RAB22A: variants seen among roughly 807,000 people sequenced by gnomAD.
RAB22A encodes RAB22A, member RAS oncogene family, also known as ras-related protein Rab-22A.
In RAB22A, 13 loss-of-function variants were observed where a neutral mutation model predicts 30.2. The ratio of observed to expected loss-of-function variants is 0.43; its 90% CI spans 0.28 to 0.68. The LOEUF (loss-of-function observed/expected upper bound fraction) is 0.68. Ranked by LOEUF, RAB22A falls within the 30% of genes least tolerant of loss-of-function variation. The pLI, the probability that RAB22A is intolerant of heterozygous loss-of-function variation, is 0.18. For missense variants in RAB22A, 177 were observed against 246.8 expected (o/e 0.72, Z 1.89); for synonymous variants, 89 against 87.2 (o/e 1.02, Z -0.11).
intron 2 of RAB22A, among the ~76,000 whole-genome samples, chr20:58,330,467 T>C (rs1166204297): frequency 6.6e-6 from 1 of 152,126 alleles, no homozygotes; most frequent in African/African-American, 2.4e-5. Flanking sequence ...CTCTTGACCT[T>C]GGGTCACATT....
At chr20:58,340,238 A>G (rs1429473875) in intron 2 of RAB22A, among the ~76,000 whole-genome samples, 1 of 152,154 alleles carries the variant, frequency 6.6e-6, no homozygotes, top group Non-Finnish European at 1.5e-5. Context: ...TTTGAGTGAG[A>G]GAGGGACACA....
chr20:58,311,201 C>A, intron 2 of RAB22A, 79 bp downstream of exon 2: 1 of 1,301,738 alleles, frequency 7.7e-7, no homozygotes. Context: ...CAGGTGTAGG[C>A]CCTGCGCTTT....
intron 2 of RAB22A, among the ~76,000 whole-genome samples, chr20:58,314,672 C>A (rs1986300339): frequency 6.6e-6 from 1 of 151,966 alleles, no homozygotes; most frequent in Non-Finnish European, 1.5e-5. Flanking sequence ...GAAACCCCGT[C>A]TCTACTAAAA....
At position 58,363,824 on chromosome 20, in the gene RAB22A, C is replaced by G. The variant is rs147913095; in HGVS notation, c.*4121C>G. ...TTTAGGATATTTGTTTTAACTCCTG[C>G]TGTGCTGTGATTTAAAAAAAAATAG... On this transcript the variant is annotated 3_prime_UTR_variant, in exon 7 of 7. Transcript: ENST00000244040. 32 of 152,094 alleles carry G rather than the reference C, an allele frequency of 2.1e-4. 1 individual carries two copies. In the East Asian group the frequency reaches 5.6e-3, roughly 27 times the overall value. The allele number at this position is 152,094 out of a possible 1,614,324, so 9.4% of individuals were successfully genotyped here. A position where few individuals can be genotyped will look rare whatever the true frequency, so the allele number is the denominator to read the frequency against.
intron 2 of RAB22A, among the ~76,000 whole-genome samples, chr20:58,332,596 T>C (rs1986681076): frequency 6.6e-6 from 1 of 152,190 alleles, no homozygotes; most frequent in Non-Finnish European, 1.5e-5. Flanking sequence ...GAGAAAGATA[T>C]TTTTAAAAGA....
At position 58,363,544 on chromosome 20, in the gene RAB22A, T is replaced by TATAA. The variant is rs1232945667; in HGVS notation, c.*3844_*3847dup. The TATAA allele has an allele frequency of 6.6e-6, 1 of 152,238 alleles. No individual in the cohort carries two copies. Among genetic ancestry groups the TATAA allele is most frequent in the African/African-American group, 2.4e-5 (1 of 41,464 alleles). The allele number at this position is 152,238 out of a possible 1,614,324, so 9.4% of individuals were successfully genotyped here. A position where few individuals can be genotyped will look rare whatever the true frequency, so the allele number is the denominator to read the frequency against. On this transcript the variant is annotated 3_prime_UTR_variant, in exon 7 of 7. Transcript: ENST00000244040. ...GCTCTCCTCTCTAACCTCACTGGGC[T>TATAA]ATAAATGTTCCTTCTAACTCTGTAA...
chr20:58,358,394 G>T (rs1987168219), intron 6 of RAB22A, among the ~76,000 whole-genome samples: 1 of 152,322 alleles, frequency 6.6e-6, no homozygotes, highest in African/African-American at 2.4e-5. Flanking sequence ...GTATGTGTCA[G>T]ACAAATACCC....
At chr20:58,330,416 T>C (rs1206618113) in intron 2 of RAB22A, among the ~76,000 whole-genome samples, 1 of 152,206 alleles carries the variant, frequency 6.6e-6, no homozygotes, top group Admixed American at 6.5e-5. Context: ...CATTCCAGCG[T>C]CTGGATCATC....
At chr20:58,336,915 AGCCAGGCT>A (rs1316787221) in intron 2 of RAB22A, among the ~76,000 whole-genome samples, 1 of 152,080 alleles carries the variant, frequency 6.6e-6, no homozygotes, top group Admixed American at 6.5e-5. Context: ...CCTGCAGAGC[AGCCAGGCT>A]GCTGCTTGAC....
intron 3 of RAB22A, among the ~76,000 whole-genome samples, chr20:58,349,829 T>C (rs1987015443): frequency 6.6e-6 from 1 of 152,174 alleles, no homozygotes; most frequent in African/African-American, 2.4e-5. Context: ...CACTGTCCAG[T>C]GGACAGTCAG....
intron 2 of RAB22A, among the ~76,000 whole-genome samples, chr20:58,325,648 T>C (rs1007302013): frequency 1.3e-5 from 2 of 152,254 alleles, no homozygotes; most frequent in African/African-American, 4.8e-5. Flanking sequence ...AGGGATATCT[T>C]CTAGTTAACT....
chr20:58,328,119 G>A (rs1057384384), intron 2 of RAB22A, among the ~76,000 whole-genome samples: 1 of 152,100 alleles, frequency 6.6e-6, no homozygotes, highest in African/African-American at 2.4e-5. Flanking sequence ...AAGGCAATAG[G>A]CAACTCACTA....
At position 58,354,252 on chromosome 20, in the gene RAB22A, C is replaced by G; in HGVS notation, c.474C>G (p.Leu158=). Residue 158 remains leucine, a synonymous_variant, in exon 6 of 7, where the codon CTC becomes CTG. Transcript: ENST00000244040. ...SAKNAININE[L]FIEISRRIPS... ...AAAACGCGATAAACATAAATGAACT[C>G]TTTATAGAAATTAGTGAGTATCTCT... The G allele has an allele frequency of 6.2e-7, 1 of 1,610,080 alleles. No homozygotes were observed.
rs149204602 is a variant in RAB22A, at chr20:58,321,181, C to T, written c.116+10059C>T. On this transcript the variant is annotated intron_variant, in intron 2 of 6. Coordinates refer to ENST00000244040, the MANE Select transcript of RAB22A (RefSeq NM_020673.3). ...CCTCCAGCCTGGTGACAGAGCAAGA[C>T]TCCATCTCAAAAAAAAAAAAAAAAA... Among the ~76,000 whole-genome samples the T allele has an allele frequency of 9.3e-3, 1,361 of 147,122 alleles. 20 individuals carry two copies. Among genetic ancestry groups the T allele is most frequent in the Middle Eastern group, 0.031 (9 of 290 alleles).
chr20:58,335,421 A>G (rs1986731950), intron 2 of RAB22A, among the ~76,000 whole-genome samples: 1 of 152,220 alleles, frequency 6.6e-6, no homozygotes. Context: ...CAGGTACTCA[A>G]TATAATACAG....
At chr20:58,314,653 C>G (rs771899164) in intron 2 of RAB22A, among the ~76,000 whole-genome samples, 1 of 151,824 alleles carries the variant, frequency 6.6e-6, no homozygotes, top group Non-Finnish European at 1.5e-5. Flanking sequence ...CCAGCCTGGG[C>G]AACATGGTGA....
intron 2 of RAB22A, among the ~76,000 whole-genome samples, chr20:58,332,258 G>C (rs1182226751): frequency 2.0e-5 from 3 of 152,338 alleles, no homozygotes; most frequent in Admixed American, 6.5e-5. Context: ...ATTCAGAAGA[G>C]AGCCGTAGCT....
chr20:58,349,814 A>G (rs1011817363), intron 3 of RAB22A, among the ~76,000 whole-genome samples: 1 of 152,240 alleles, frequency 6.6e-6, no homozygotes, highest in Non-Finnish European at 1.5e-5. Flanking sequence ...ACAGTGCATC[A>G]TCCACACTGT....
At chr20:58,329,077 A>C (rs1412594720) in intron 2 of RAB22A, among the ~76,000 whole-genome samples, 8 of 140,484 alleles carry the variant, frequency 5.7e-5, no homozygotes, top group Non-Finnish European at 9.1e-5. Flanking sequence ...TTTTTGAGGC[A>C]GAGCCTCATT....
Sources: allele counts gnomAD v4.1 joint callset (sites outside exome capture counted in the v4.1 genomes callset), GRCh38; gene constraint gnomAD v4.1.1; transcripts MANE v1.5; gene names NCBI Gene and HGNC (gene_info 2026-07-23, HGNC 2026-07-21).